The following WDR3 variants were observed in gnomAD, a reference collection of about 807,000 sequenced individuals.
The protein encoded by WDR3 is WD repeat-containing protein 3.
A neutral mutation model predicts 123.7 loss-of-function variants in WDR3; 81 were observed. The ratio of observed to expected loss-of-function variants is 0.65; its 90% CI spans 0.55 to 0.79. The LOEUF (loss-of-function observed/expected upper bound fraction) is 0.79, where lower values mean the gene tolerates loss of function less well. Among genes scored for constraint, WDR3 ranks in the 30% least tolerant of loss-of-function variants. The pLI is 0.00. For synonymous variants in WDR3, 390 were observed against 388.8 expected (o/e 1.00, Z -0.04); for missense variants, 1,027 against 1,123.2 (o/e 0.91, Z 1.22).
chr1:117,945,972 C>G (rs1651364079), intron 11 of WDR3, 114 bp from the exon 12 acceptor site: 2 of 625,374 alleles, frequency 3.2e-6, no homozygotes, highest in Non-Finnish European at 4.9e-6. Flanking sequence ...GTTTTTAAGA[C>G]TTTTATCTTC....
At chr1:117,931,747 A>G (rs1037364377) in intron 1 of WDR3, among the ~76,000 whole-genome samples, 1 of 152,240 alleles carries the variant, frequency 6.6e-6, no homozygotes, top group African/African-American at 2.4e-5. Context: ...AATAAGAGGA[A>G]TTGGGAAAGA....
chr1:117,961,204 A>G lies in WDR3; in HGVS notation c.*1757A>G, dbSNP rs1571061000. 6.6e-6 allele frequency: 1 copy of G among 152,252 alleles called. No homozygotes were observed. The highest frequency in any genetic ancestry group is 6.5e-5 in the Admixed American group (1 of 15,282). The allele number at this position is 152,252 out of a possible 1,614,324, so 9.4% of individuals were successfully genotyped here. A position where few individuals can be genotyped will look rare whatever the true frequency, so the allele number is the denominator to read the frequency against. On this transcript the variant is annotated 3_prime_UTR_variant, in exon 27 of 27. Transcript: ENST00000349139. Reference sequence around the variant, plus strand: ...AGGCTGAGACAGGAGAATCACTTGAACCCGGCAGGCGGAGATTGCAGTTAG... The same window carrying G: ...AGGCTGAGACAGGAGAATCACTTGAGCCCGGCAGGCGGAGATTGCAGTTAG...
intron 15 of WDR3, among the ~76,000 whole-genome samples, chr1:117,950,368 A>T (rs1165029153): frequency 1.3e-5 from 2 of 152,180 alleles, no homozygotes; most frequent in Admixed American, 6.5e-5. Context: ...AATCTTGTGG[A>T]CAGAAAATTC....
intron 19 of WDR3, 33 bp downstream of exon 19, chr1:117,952,695 A>G: frequency 2.5e-6 from 4 of 1,607,000 alleles, no homozygotes; most frequent in Non-Finnish European, 2.5e-6. Flanking sequence ...CAAATATGCC[A>G]GTAGGTATCT....
At chr1:117,953,956 G>T in intron 21 of WDR3, 51 bp from the exon 22 acceptor site, 1 of 1,484,328 alleles carries the variant, frequency 6.7e-7, no homozygotes, top group Non-Finnish European at 9.2e-7. Flanking sequence ...TCAGTGTCCT[G>T]GGATGATGGA....
chr1:117,945,695 T>C lies in WDR3; in HGVS notation c.1329-391T>C, dbSNP rs544736344. On this transcript the variant is annotated intron_variant, in intron 11 of 26. Coordinates refer to ENST00000349139, the MANE Select transcript of WDR3 (RefSeq NM_006784.3). ...CAGTAAATGTTTGTTAAGTGGACAT[T>C]TGATATATATTTGATTAATTAATTA... 2.6e-5 allele frequency among the ~76,000 whole-genome samples: 4 copies of C among 152,266 alleles called. No homozygotes were observed. In the South Asian group the frequency reaches 8.3e-4, roughly 32 times the overall value.
intron 19 of WDR3, 134 bp downstream of exon 19, chr1:117,952,796 C>T: frequency 6.3e-6 from 9 of 1,421,412 alleles, no homozygotes; most frequent in Non-Finnish European, 8.6e-6. Flanking sequence ...CTTTTCAAGA[C>T]CATTGTCACC....
chr1:117,952,278 T>C lies in WDR3; in HGVS notation c.1905-19T>C. Reference sequence around the variant, plus strand: ...AACCTGGAATTTGATGACATTTTAATATTTCTGTCACTTTTCAGTGTGATG... The same window carrying C: ...AACCTGGAATTTGATGACATTTTAACATTTCTGTCACTTTTCAGTGTGATG... On this transcript the variant is annotated intron_variant, in intron 17 of 26. Coordinates refer to ENST00000349139, the MANE Select transcript of WDR3 (RefSeq NM_006784.3). The C allele has an allele frequency of 2.5e-6, 4 of 1,591,442 alleles. No homozygotes were observed. Among genetic ancestry groups the C allele is most frequent in the African/African-American group, 1.3e-5 (1 of 74,144 alleles).
rs770128496 is a variant in WDR3, at chr1:117,938,536, C to T, written c.557C>T (p.Thr186Ile). ...WDLDTQHCFK[T>I]MVGHRTEVWG... ...CTTGATACTCAGCACTGCTTTAAAA[C>T]AATGGTTGGCCACCGGACTGAGGTA... The change falls in exon 5 of 27, where the codon ACA (threonine) becomes ATA (isoleucine). Residue 186 changes from threonine to isoleucine, a missense_variant. Physicochemically the swap from Thr to Ile is moderately conservative, Grantham distance 89 (BLOSUM62 -1). Transcript: ENST00000349139. 4.3e-5 allele frequency: 70 copies of T among 1,613,136 alleles called. 1 individual carries two copies. The Middle Eastern group carries it at 9.9e-4, about 23-fold the overall frequency.
chr1:117,953,995 C>T lies in WDR3; in HGVS notation c.2269-12C>T. On this transcript the variant is annotated splice_polypyrimidine_tract_variant and intron_variant, in intron 21 of 26. Coordinates refer to ENST00000349139, the MANE Select transcript of WDR3 (RefSeq NM_006784.3). ...TGTTGTGATGACTTCTTTCCTTTCT[C>T]ATCCTCTGTAGGCTGAGAGGATTAT... is the stretch of plus-strand genomic sequence containing the variant. The T allele has an allele frequency of 6.2e-7, 1 of 1,600,668 alleles. No individual in the cohort carries two copies. The highest frequency in any genetic ancestry group is 8.5e-7 in the Non-Finnish European group (1 of 1,173,494).
chr1:117,933,166 T>C (rs1650794906), intron 1 of WDR3, 122 bp from the exon 2 acceptor site: 1 of 749,958 alleles, frequency 1.3e-6, no homozygotes, highest in East Asian at 2.9e-5. Flanking sequence ...ATCCCACCAC[T>C]GCACTCCAGC....
rs147691099 is a variant in WDR3 at position 117,966,477 on chromosome 1, G to T, written c.*7030G>T. On this transcript the variant is annotated 3_prime_UTR_variant, in exon 27 of 27. Coordinates refer to ENST00000349139, the MANE Select transcript of WDR3 (RefSeq NM_006784.3). ...TCAAAGATGAATGAAGATGCTCTTTGTCTTAATAAATTTAACTCTGATTTT... is the reference window on the plus strand; with the variant it reads ...TCAAAGATGAATGAAGATGCTCTTTTTCTTAATAAATTTAACTCTGATTTT... 2,990 of 931,010 alleles carry T rather than the reference G, an allele frequency of 3.2e-3. 37 individuals are homozygous for T. Among genetic ancestry groups the T allele is most frequent in the East Asian group, 0.027 (1,002 of 36,498 alleles). 57.7% of individuals were successfully genotyped at this position (931,010 alleles called of 1,614,324 possible).
At position 117,962,064 on chromosome 1, in the gene WDR3, A is replaced by G. The variant is rs549519385; in HGVS notation, c.*2617A>G. 1.3e-5 allele frequency: 2 copies of G among 151,954 alleles called. No homozygotes were observed. The highest frequency in any genetic ancestry group is 1.9e-4 in the East Asian group (1 of 5,168). The allele number at this position is 151,954 out of a possible 1,614,324, so 9.4% of individuals were successfully genotyped here. ...GGCATTCGAGATGTATACATCATCA[A>G]TAATTACTCTTATGTTAAAAGTTGC... On this transcript the variant is annotated 3_prime_UTR_variant, in exon 27 of 27. Transcript: ENST00000349139.
chr1:117,938,612 G>A lies in WDR3; in HGVS notation c.579+54G>A, dbSNP rs1407290822. On this transcript the variant is annotated intron_variant, in intron 5 of 26. Coordinates refer to ENST00000349139, the MANE Select transcript of WDR3 (RefSeq NM_006784.3). ...ATAATGGGAAGGCAAAAGGGAAAAG[G>A]TGGTGGTCTTCTCTTCCCCTTTCAT... The A allele has an allele frequency of 6.6e-6, 10 of 1,514,106 alleles. No individual in the cohort carries two copies. The East Asian group carries it at 1.4e-4, about 21-fold the overall frequency. 93.8% of individuals were successfully genotyped at this position (1,514,106 alleles called of 1,614,324 possible).
Position 117,965,831 on chromosome 1 carries a change from T to C in WDR3, c.*6384T>C, listed in dbSNP as rs1653763757. On this transcript the variant is annotated 3_prime_UTR_variant, in exon 27 of 27. Transcript: ENST00000349139. ...GATTTAAGATCTTTCATAACTTGAC[T>C]CCAACCTACTTTCCCACTATATTCC... 6.6e-6 allele frequency: 1 copy of C among 152,196 alleles called. No homozygotes were observed. The highest frequency in any genetic ancestry group is 6.5e-5 in the Admixed American group (1 of 15,278). 9.4% of individuals were successfully genotyped at this position (152,196 alleles called of 1,614,324 possible). A position where few individuals can be genotyped will look rare whatever the true frequency, so the allele number is the denominator to read the frequency against.
chr1:117,958,463 T>A lies in WDR3; in HGVS notation c.2583-447T>A, dbSNP rs1208181799. On this transcript the variant is annotated intron_variant, in intron 25 of 26. Transcript: ENST00000349139. ...ATGGATGGGTACTACCTGACAGGTA[T>A]GGTAGGGTCATCAAGGATATCTTGG... Among the ~76,000 whole-genome samples the A allele has an allele frequency of 2.6e-5, 4 of 152,296 alleles. No homozygotes were observed. In the East Asian group the frequency reaches 7.7e-4, roughly 29 times the overall value.
At chr1:117,955,607 AAAT>A (rs1652079353) in intron 24 of WDR3, among the ~76,000 whole-genome samples, 1 of 152,156 alleles carries the variant, frequency 6.6e-6, no homozygotes, top group South Asian at 2.1e-4. Context: ...GTAGGCGATG[AAAT>A]AATATATAAT....
intron 9 of WDR3, 66 bp from the exon 10 acceptor site, chr1:117,942,371 C>T: frequency 7.0e-7 from 1 of 1,427,376 alleles, no homozygotes; most frequent in Admixed American, 1.9e-5. Flanking sequence ...AGATTTTGAA[C>T]TCAAGTAAGA....
At position 117,959,015 on chromosome 1, in the gene WDR3, T is replaced by C. The variant is rs1172548185; in HGVS notation, c.2676+12T>C. 2 of 1,612,076 alleles carry C rather than the reference T, an allele frequency of 1.2e-6. No homozygotes were observed. Among genetic ancestry groups the C allele is most frequent in the Non-Finnish European group, 1.7e-6 (2 of 1,178,454 alleles). On this transcript the variant is annotated intron_variant, in intron 26 of 26. Coordinates refer to ENST00000349139, the MANE Select transcript of WDR3 (RefSeq NM_006784.3). Reference sequence around the variant, plus strand: ...TCAGCCAAGTCCGGGTAAGTGTCTTTGTATAGAGATAAAATAATGAGGCAA... The same window carrying C: ...TCAGCCAAGTCCGGGTAAGTGTCTTCGTATAGAGATAAAATAATGAGGCAA...
Sources: allele counts gnomAD v4.1 joint callset (sites outside exome capture counted in the v4.1 genomes callset), GRCh38; gene constraint gnomAD v4.1.1; transcripts MANE v1.5; gene names NCBI Gene and HGNC (gene_info 2026-07-23, HGNC 2026-07-21).